The following HPSE2 variants were observed in gnomAD, a reference collection of about 807,000 sequenced individuals.
The protein encoded by HPSE2 is heparanase 2 (inactive), also known as inactive heparanase-2.
HPSE2 carries 38 observed loss-of-function variants against 60.5 expected under a neutral mutation model. The observed-to-expected ratio is 0.63, with a 90% CI of 0.48 to 0.82. The LOEUF is 0.82. HPSE2 is among the 40% of genes least tolerant of loss of function. The probability of loss-of-function intolerance (pLI) is 0.00; values close to 1 mark genes in which losing one functional copy is unlikely to be tolerated. For missense variants in HPSE2, 713 were observed against 740.4 expected (o/e 0.96, Z 0.43); for synonymous variants, 295 against 293.2 (o/e 1.01, Z -0.06).
At chr10:99,236,280 C>T (rs1372027717), upstream of HPSE2, among the ~76,000 whole-genome samples, 3 of 151,990 alleles carry the variant, frequency 2.0e-5, no homozygotes, top group Non-Finnish European at 4.4e-5. Flanking sequence ...GCCGTTGTAC[C>T]GTCTGGGTAC....
At chr10:98,935,005 T>TTGTC (rs1266059206) in intron 3 of HPSE2, among the ~76,000 whole-genome samples, 1 of 142,392 alleles carries the variant, frequency 7.0e-6, no homozygotes, top group African/African-American at 2.9e-5. Context: ...TTCTCTAATC[T>TTGTC]TGTCTGCCTG....
intron 4 of HPSE2, among the ~76,000 whole-genome samples, chr10:98,740,999 G>C (rs1949482468): frequency 6.6e-6 from 1 of 152,040 alleles, no homozygotes; most frequent in South Asian, 2.1e-4. Flanking sequence ...AAATGAATTA[G>C]AGAAACAGCA....
intron 9 of HPSE2, among the ~76,000 whole-genome samples, chr10:98,527,511 A>T (rs969801835): frequency 1.3e-5 from 2 of 152,146 alleles, no homozygotes; most frequent in Admixed American, 6.5e-5. Context: ...TAGCTCCTCA[A>T]GAGCCCACGG....
intron 9 of HPSE2, among the ~76,000 whole-genome samples, chr10:98,585,372 A>C (rs1201214681): frequency 6.6e-6 from 1 of 151,796 alleles, no homozygotes; most frequent in African/African-American, 2.4e-5. Flanking sequence ...CCCAGGTTCA[A>C]GTGATTCTTC....
rs1052287278 is a variant in HPSE2 at position 98,641,891 on chromosome 10, G to A, written c.1054C>T (p.Arg352Cys). 14 of 1,613,706 alleles carry A rather than the reference G, an allele frequency of 8.7e-6. No individual in the cohort carries two copies. The highest frequency in any genetic ancestry group is 2.2e-5 in the East Asian group (1 of 44,868). The change falls in exon 7 of 12, where the codon CGC becomes TGC. Residue 352 changes from arginine to cysteine, a missense_variant. By Grantham distance (180) the Arg-to-Cys change is radical. Transcript: ENST00000370552. ...VVKVMDFLKT[R>C]LLDTLSDQIR... is the part of the protein sequence containing the mutation. The stretch of plus-strand genomic sequence containing the variant: ...TGGTCAGAGAGTGTGTCTAACAGGC[G>A]AGTTTTCAGGAAGTCCATCACCTTG...
chr10:99,222,869 C>A (rs1423842184), intron 2 of HPSE2, among the ~76,000 whole-genome samples: 1 of 152,142 alleles, frequency 6.6e-6, no homozygotes, highest in Admixed American at 6.5e-5. Flanking sequence ...ACCCACAAGA[C>A]CTTTGAATAT....
intron 3 of HPSE2, among the ~76,000 whole-genome samples, chr10:98,923,232 C>A (rs1954336800): frequency 6.6e-6 from 1 of 152,180 alleles, no homozygotes; most frequent in African/African-American, 2.4e-5. Context: ...TCTCTCCTGA[C>A]CTGTAAGGTT....
intron 6 of HPSE2, among the ~76,000 whole-genome samples, chr10:98,650,125 T>C (rs117533027): frequency 0.014 from 2,158 of 152,298 alleles, 23 homozygotes; most frequent in Non-Finnish European, 0.018. Context: ...AGGGCTAAAG[T>C]AGATGTAGGT....
intron 3 of HPSE2, among the ~76,000 whole-genome samples, chr10:98,865,336 C>A (rs151338639): frequency 6.6e-6 from 1 of 151,942 alleles, no homozygotes; most frequent in East Asian, 1.9e-4. Flanking sequence ...TACTTCTGGC[C>A]AAGATAAAGT....
At chr10:99,144,040 G>C (rs919130456) in intron 3 of HPSE2, among the ~76,000 whole-genome samples, 198 bp downstream of exon 3, 3 of 152,188 alleles carry the variant, frequency 2.0e-5, no homozygotes, top group Non-Finnish European at 4.4e-5. Flanking sequence ...TCTGTGTTTT[G>C]AGAAGAAAAC....
intron 2 of HPSE2, among the ~76,000 whole-genome samples, chr10:99,181,146 C>T (rs1847753635): frequency 6.6e-6 from 1 of 151,584 alleles, no homozygotes; most frequent in East Asian, 1.9e-4. Context: ...CGCCTGTAAT[C>T]CCAGCACTTT....
chr10:98,894,055 A>G (rs1026409746), intron 3 of HPSE2, among the ~76,000 whole-genome samples: 27 of 152,180 alleles, frequency 1.8e-4, no homozygotes, highest in Non-Finnish European at 3.7e-4. Context: ...CTTCACATAA[A>G]TATAGAACCT....
chr10:99,187,421 A>G (rs1848068945), intron 2 of HPSE2, among the ~76,000 whole-genome samples: 1 of 152,188 alleles, frequency 6.6e-6, no homozygotes, highest in Admixed American at 6.5e-5. Flanking sequence ...AAAATTTAAA[A>G]CTTTTACTCT....
chr10:99,039,082 T>C (rs1957676105), intron 3 of HPSE2, among the ~76,000 whole-genome samples: 1 of 152,156 alleles, frequency 6.6e-6, no homozygotes, highest in Middle Eastern at 3.2e-3. Context: ...TTTCCACTGC[T>C]TTATAACTTT....
intron 3 of HPSE2, among the ~76,000 whole-genome samples, chr10:98,796,434 T>G (rs982899468): frequency 6.6e-6 from 1 of 152,228 alleles, no homozygotes; most frequent in African/African-American, 2.4e-5. Context: ...GAAAGGCTCC[T>G]CTGCCTGTGA....
chr10:98,976,769 T>C (rs1395510058), intron 3 of HPSE2, among the ~76,000 whole-genome samples: 4 of 151,904 alleles, frequency 2.6e-5, no homozygotes, highest in African/African-American at 9.7e-5. Context: ...AATATCCATA[T>C]CAAATCCTTG....
At chr10:98,511,200 G>A (rs1009983008) in intron 9 of HPSE2, among the ~76,000 whole-genome samples, 1 of 151,448 alleles carries the variant, frequency 6.6e-6, no homozygotes, top group East Asian at 1.9e-4. Context: ...ACCCAGGCTG[G>A]AGTGCAGTGG....
At chr10:98,947,823 C>T (rs956007936) in intron 3 of HPSE2, among the ~76,000 whole-genome samples, 1 of 152,074 alleles carries the variant, frequency 6.6e-6, no homozygotes, top group Non-Finnish European at 1.5e-5. Context: ...CAAGAAAAGC[C>T]CTTTTTCTGG....
intron 4 of HPSE2, among the ~76,000 whole-genome samples, chr10:98,732,675 A>G (rs2134288725): frequency 6.6e-6 from 1 of 152,224 alleles, no homozygotes; most frequent in African/African-American, 2.4e-5. Flanking sequence ...AAACAATGAA[A>G]CTTTTAGAAG....
Sources: allele counts gnomAD v4.1 joint callset (sites outside exome capture counted in the v4.1 genomes callset), GRCh38; gene constraint gnomAD v4.1.1; transcripts MANE v1.5; gene names NCBI Gene and HGNC (gene_info 2026-07-23, HGNC 2026-07-21).